Variants in CTNNA3 observed in about 807,000 individuals in gnomAD.
The protein encoded by CTNNA3 is catenin alpha 3.
A neutral mutation model predicts 95.7 loss-of-function variants in CTNNA3; 76 were observed. That is an observed-to-expected ratio of 0.79 (90% CI 0.66 to 0.96). CTNNA3 has a LOEUF of 0.96. Ranked by LOEUF, CTNNA3 falls within the 40% of genes least tolerant of loss-of-function variation. CTNNA3 has a pLI of 0.00. For missense variants in CTNNA3, 1,191 were observed against 1,089.8 expected, an observed-to-expected ratio of 1.09 and a Z score of -1.31; for synonymous variants, 431 against 374.4, an observed-to-expected ratio of 1.15 and a Z score of -1.74.
intron 7 of CTNNA3, among the ~76,000 whole-genome samples, chr10:67,154,110 T>G (rs1861196750): frequency 6.6e-6 from 1 of 152,176 alleles, no homozygotes; most frequent in Non-Finnish European, 1.5e-5. Context: ...TATAAATACA[T>G]TTCAATATTT....
intron 7 of CTNNA3, among the ~76,000 whole-genome samples, chr10:67,160,099 T>C (rs1861470919): frequency 6.6e-6 from 1 of 152,012 alleles, no homozygotes; most frequent in South Asian, 2.1e-4. Context: ...AAAATACAGA[T>C]ACTCAGAGTA....
At chr10:67,300,676 A>C (rs1256827735) in intron 5 of CTNNA3, among the ~76,000 whole-genome samples, 1 of 152,234 alleles carries the variant, frequency 6.6e-6, no homozygotes, top group Non-Finnish European at 1.5e-5. Context: ...GCTCAGACCA[A>C]CATATTAAAC....
chr10:66,199,805 A>ATATATATATATATATATTTTTTTTTTTT (rs1564756586), intron 13 of CTNNA3, among the ~76,000 whole-genome samples: 1 of 14,292 alleles, frequency 7.0e-5, no homozygotes, highest in Non-Finnish European at 1.1e-4. Flanking sequence ...ATATATATAT[A>ATATATATATATATATATTTTTTTTTTTT]TTTTTTTTTT....
chr10:67,093,303 T>C (rs1251757818), intron 7 of CTNNA3, among the ~76,000 whole-genome samples: 6 of 151,958 alleles, frequency 3.9e-5, no homozygotes, highest in Non-Finnish European at 8.8e-5. Flanking sequence ...TATGAAATAA[T>C]GTATTTGGGT....
chr10:66,655,357 T>C (rs566641418), intron 9 of CTNNA3, among the ~76,000 whole-genome samples: 8 of 152,170 alleles, frequency 5.3e-5, no homozygotes, highest in Non-Finnish European at 1.0e-4. Context: ...CCTTAACAGA[T>C]AGTTATTATT....
chr10:66,613,878 T>C (rs1212783469), intron 10 of CTNNA3, among the ~76,000 whole-genome samples: 1 of 152,178 alleles, frequency 6.6e-6, no homozygotes, highest in East Asian at 1.9e-4. Context: ...ATTGTTTAGT[T>C]GCAAACAAAA....
intron 7 of CTNNA3, among the ~76,000 whole-genome samples, chr10:66,990,930 A>G (rs1851004832): frequency 6.6e-6 from 1 of 152,236 alleles, no homozygotes; most frequent in Non-Finnish European, 1.5e-5. Flanking sequence ...AGGCAAACAA[A>G]GCATCATTAT....
At chr10:67,678,171 TCTTA>T (rs1160767816) in intron 1 of CTNNA3, among the ~76,000 whole-genome samples, 1 of 152,130 alleles carries the variant, frequency 6.6e-6, no homozygotes, top group African/African-American at 2.4e-5. Context: ...GAAGACACTT[TCTTA>T]AAGATGTAAG....
At chr10:67,637,715 T>A (rs764361340) in intron 2 of CTNNA3, among the ~76,000 whole-genome samples, 4 of 152,222 alleles carry the variant, frequency 2.6e-5, no homozygotes. Flanking sequence ...ATATTCAACA[T>A]TCTTAAAGAA....
intron 4 of CTNNA3, among the ~76,000 whole-genome samples, chr10:67,535,483 C>G (rs537875269): frequency 1.3e-5 from 2 of 152,056 alleles, no homozygotes; most frequent in East Asian, 3.9e-4. Context: ...AGACTAGTAT[C>G]AGAGGAGGAA....
chr10:67,685,375 T>C (rs545462082), intron 1 of CTNNA3, among the ~76,000 whole-genome samples: 1 of 152,340 alleles, frequency 6.6e-6, no homozygotes, highest in South Asian at 2.1e-4. Flanking sequence ...ATTAGGCAAT[T>C]TTCCTAACTC....
intron 11 of CTNNA3, among the ~76,000 whole-genome samples, chr10:66,421,834 C>CAAAA (rs35845509): frequency 2.5e-5 from 2 of 81,522 alleles, no homozygotes; most frequent in Non-Finnish European, 5.2e-5. Flanking sequence ...GACTCTGTCT[C>CAAAA]AAAAAAAAAA....
At chr10:67,326,818 T>C in intron 5 of CTNNA3, among the ~76,000 whole-genome samples, 1 of 152,200 alleles carries the variant, frequency 6.6e-6, no homozygotes, top group East Asian at 1.9e-4. Context: ...AAATATATTT[T>C]CCAAGTTGGT....
chr10:66,231,572 T>A (rs1346499142), intron 13 of CTNNA3, among the ~76,000 whole-genome samples: 9 of 152,206 alleles, frequency 5.9e-5, no homozygotes, highest in Non-Finnish European at 1.2e-4. Context: ...TTTTCCCTCA[T>A]TATACACTAA....
intron 1 of CTNNA3, among the ~76,000 whole-genome samples, chr10:67,756,470 ATAAT>A (rs978874936): frequency 2.0e-5 from 3 of 152,246 alleles, no homozygotes; most frequent in Non-Finnish European, 4.4e-5. Context: ...ATAAAAATAA[ATAAT>A]TTTTTAAAAG....
intron 14 of CTNNA3, among the ~76,000 whole-genome samples, chr10:66,086,456 G>T (rs1244144624): frequency 6.6e-6 from 1 of 152,128 alleles, no homozygotes; most frequent in East Asian, 1.9e-4. Context: ...TTTTGCCAAA[G>T]GTTCTTAAGC....
intron 7 of CTNNA3, among the ~76,000 whole-genome samples, chr10:66,990,727 A>C (rs952069168): frequency 2.6e-5 from 4 of 152,190 alleles, no homozygotes; most frequent in African/African-American, 9.6e-5. Flanking sequence ...GTTGAGATTC[A>C]TGTAGATAAT....
At chr10:66,428,084 A>G (rs1293917489) in intron 11 of CTNNA3, among the ~76,000 whole-genome samples, 2 of 152,156 alleles carry the variant, frequency 1.3e-5, no homozygotes, top group Non-Finnish European at 2.9e-5. Flanking sequence ...GAGAACAAAA[A>G]AAGGCAGGGG....
At chr10:66,645,751 G>A (rs989313938) in intron 9 of CTNNA3, among the ~76,000 whole-genome samples, 5 of 152,096 alleles carry the variant, frequency 3.3e-5, no homozygotes, top group Admixed American at 1.3e-4. Flanking sequence ...TAGGTTGCAC[G>A]TCCTTTATGA....
Sources: allele counts gnomAD v4.1 joint callset (sites outside exome capture counted in the v4.1 genomes callset), GRCh38; gene constraint gnomAD v4.1.1; transcripts MANE v1.5; gene names NCBI Gene and HGNC (gene_info 2026-07-23, HGNC 2026-07-21).